The following NLGN1 variants were observed in gnomAD, a reference collection of about 807,000 sequenced individuals.
The protein encoded by NLGN1 is neuroligin-1.
In NLGN1, 12 loss-of-function variants were observed where a neutral mutation model predicts 65.5. That is an observed-to-expected ratio of 0.18 (90% confidence interval 0.12 to 0.30). The LOEUF (loss-of-function observed/expected upper bound fraction) is 0.30. Among genes scored for constraint, NLGN1 ranks in the 10% least tolerant of loss-of-function variants. The pLI is 1.00. For synonymous variants in NLGN1, 350 were observed against 359.5 expected (o/e 0.97, Z 0.30); for missense variants, 750 against 1,007.1 (o/e 0.74, Z 3.46).
At chr3:173,850,759 C>T (rs1472209035) in intron 4 of NLGN1, among the ~76,000 whole-genome samples, 1 of 151,926 alleles carries the variant, frequency 6.6e-6, no homozygotes, top group Non-Finnish European at 1.5e-5. Context: ...TTTTTTGAGA[C>T]ACTTTCTCAC....
chr3:173,609,639 A>G (rs917408110), intron 3 of NLGN1, among the ~76,000 whole-genome samples: 76 of 152,084 alleles, frequency 5.0e-4, no homozygotes, highest in African/African-American at 1.8e-3. Context: ...TATTCATTTG[A>G]CAACTATTTA....
At chr3:173,957,255 C>A (rs1419020248) in intron 4 of NLGN1, among the ~76,000 whole-genome samples, 1 of 152,060 alleles carries the variant, frequency 6.6e-6, no homozygotes, top group East Asian at 1.9e-4. Context: ...TAATTAATTA[C>A]TATCTATATT....
chr3:173,605,674 C>A, intron 3 of NLGN1, 81 bp downstream of exon 3: 2 of 632,236 alleles, frequency 3.2e-6, no homozygotes, highest in African/African-American at 1.9e-5. Context: ...GGATGATTTG[C>A]TGATGCTGGG....
At chr3:174,253,719 C>A (rs1220821980) in intron 4 of NLGN1, among the ~76,000 whole-genome samples, 1 of 152,154 alleles carries the variant, frequency 6.6e-6, no homozygotes, top group Admixed American at 6.5e-5. Flanking sequence ...AGATTCAGAT[C>A]ACTGCCTCTT....
At chr3:173,576,889 T>C (rs1384451125) in intron 2 of NLGN1, among the ~76,000 whole-genome samples, 1 of 152,156 alleles carries the variant, frequency 6.6e-6, no homozygotes, top group Non-Finnish European at 1.5e-5. Context: ...TAAATTTTGC[T>C]TGTGGTCCAA....
intron 4 of NLGN1, among the ~76,000 whole-genome samples, chr3:174,017,053 A>G (rs1726713098): frequency 6.6e-6 from 1 of 152,202 alleles, no homozygotes; most frequent in Non-Finnish European, 1.5e-5. Flanking sequence ...GTAGTGTGTG[A>G]TCATAGTACA....
At chr3:173,564,754 A>G (rs975641901) in intron 2 of NLGN1, among the ~76,000 whole-genome samples, 1 of 152,248 alleles carries the variant, frequency 6.6e-6, no homozygotes, top group African/African-American at 2.4e-5. Context: ...TGCAAACAAC[A>G]GGAATTTTAA....
chr3:173,654,258 T>C (rs1759642882), intron 3 of NLGN1, among the ~76,000 whole-genome samples: 1 of 152,142 alleles, frequency 6.6e-6, no homozygotes, highest in Non-Finnish European at 1.5e-5. Context: ...TCTACCCTAT[T>C]CTATTAAAAA....
intron 4 of NLGN1, among the ~76,000 whole-genome samples, chr3:173,946,803 CTTTAA>C (rs1210713375): frequency 6.6e-6 from 1 of 152,128 alleles, no homozygotes; most frequent in African/African-American, 2.4e-5. Context: ...AATCTTGTTT[CTTTAA>C]TTTACACTGG....
chr3:173,594,493 A>G (rs948778821), intron 2 of NLGN1, among the ~76,000 whole-genome samples: 6 of 151,994 alleles, frequency 3.9e-5, no homozygotes, highest in African/African-American at 9.7e-5. Context: ...GCAGGGTCCA[A>G]CCTCCCTCCC....
intron 4 of NLGN1, among the ~76,000 whole-genome samples, chr3:174,257,911 T>C (rs892392663): frequency 6.6e-6 from 1 of 150,752 alleles, no homozygotes; most frequent in Non-Finnish European, 1.5e-5. Flanking sequence ...CTTATATATA[T>C]ATATATATAA....
chr3:173,951,103 A>T (rs1387491702), intron 4 of NLGN1, among the ~76,000 whole-genome samples: 1 of 151,760 alleles, frequency 6.6e-6, no homozygotes, highest in African/African-American at 2.4e-5. Context: ...CTGACCTTAG[A>T]TGATCCATCT....
intron 4 of NLGN1, among the ~76,000 whole-genome samples, chr3:173,940,513 T>C (rs1745888937): frequency 6.6e-6 from 1 of 152,184 alleles, no homozygotes; most frequent in African/African-American, 2.4e-5. Context: ...TTCAAAGCCT[T>C]TAATATTTAT....
At chr3:174,270,699 A>G (rs1240730286) in intron 4 of NLGN1, among the ~76,000 whole-genome samples, 1 of 151,782 alleles carries the variant, frequency 6.6e-6, no homozygotes, top group Non-Finnish European at 1.5e-5. Flanking sequence ...AGAAAAGAGG[A>G]GGACCTGGAA....
intron 3 of NLGN1, among the ~76,000 whole-genome samples, chr3:173,631,798 A>G (rs545847678): frequency 1.1e-3 from 174 of 152,236 alleles, no homozygotes; most frequent in Non-Finnish European, 1.5e-3. Context: ...ATTATTTTTC[A>G]TGCATTATTT....
At chr3:173,999,913 A>G (rs1196006218) in intron 4 of NLGN1, among the ~76,000 whole-genome samples, 1 of 152,150 alleles carries the variant, frequency 6.6e-6, no homozygotes, top group Admixed American at 6.6e-5. Context: ...GCGTTAAACA[A>G]TGTAGTAACT....
chr3:173,523,574 G>A (rs1278422895), intron 2 of NLGN1, among the ~76,000 whole-genome samples: 1 of 151,572 alleles, frequency 6.6e-6, no homozygotes. Flanking sequence ...TAGATATGTG[G>A]CTTTATTTCT....
rs1716954980 is a variant in NLGN1, at chr3:173,807,671, G to A, written c.494-9G>A. 5.6e-6 allele frequency: 9 copies of A among 1,611,120 alleles called. No individual in the cohort carries two copies. The highest frequency in any genetic ancestry group is 7.6e-6 in the Non-Finnish European group (9 of 1,178,120). ...GGATAAGAACGATTGCCAACCATTT[G>A]TTTTCCAGATATTCGGGACAGTGGG... On this transcript the variant is annotated splice_polypyrimidine_tract_variant and intron_variant, in intron 3 of 6. Coordinates refer to ENST00000457714, the Ensembl canonical transcript of NLGN1.
At chr3:173,405,969 A>C (rs1054704207) in intron 1 of NLGN1, among the ~76,000 whole-genome samples, 10 of 152,318 alleles carry the variant, frequency 6.6e-5, no homozygotes, top group Admixed American at 2.0e-4. Context: ...ATATAAATAC[A>C]TAATAGTGGA....
Sources: gnomAD v4.1 joint callset for allele counts (sites outside exome capture counted in the v4.1 genomes callset) on GRCh38, gnomAD v4.1.1 for gene constraint, MANE v1.5 for transcripts, NCBI Gene and HGNC (gene_info 2026-07-23, HGNC 2026-07-21) for gene names.